The following TNFRSF21 variants were observed in gnomAD, a reference collection of about 807,000 sequenced individuals.
TNFRSF21 encodes the protein TNF receptor superfamily member 21.
A neutral mutation model predicts 45.6 loss-of-function variants in TNFRSF21; 19 were observed. The observed-to-expected ratio is 0.42, with a 90% confidence interval of 0.29 to 0.61. The LOEUF is 0.61. Ranked by LOEUF, TNFRSF21 falls within the 20% of genes least tolerant of loss-of-function variation. The pLI is 0.23. For missense variants in TNFRSF21, 737 were observed against 851.5 expected, an observed-to-expected ratio of 0.87 and a Z score of 1.67; for synonymous variants, 314 against 335.5, an observed-to-expected ratio of 0.94 and a Z score of 0.70.
intron 3 of TNFRSF21, among the ~76,000 whole-genome samples, chr6:47,269,250 C>G (rs573889673): frequency 6.6e-6 from 1 of 152,180 alleles, no homozygotes; most frequent in East Asian, 1.9e-4. Context: ...AACACACACA[C>G]ACACACATAC....
At chr6:47,243,756 C>G (rs1240349162) in intron 4 of TNFRSF21, among the ~76,000 whole-genome samples, 1 of 152,064 alleles carries the variant, frequency 6.6e-6, no homozygotes, top group Non-Finnish European at 1.5e-5. Flanking sequence ...TTCGTTTAAC[C>G]CTTCTTGAGG....
intron 3 of TNFRSF21, among the ~76,000 whole-genome samples, chr6:47,254,303 C>T (rs148808780): frequency 5.5e-4 from 84 of 152,146 alleles, no homozygotes; most frequent in African/African-American, 1.6e-3. Flanking sequence ...CAGGATGGTA[C>T]GGGAATGTGA....
At chr6:47,302,652 T>A (rs1582364377) in intron 1 of TNFRSF21, among the ~76,000 whole-genome samples, 2 of 152,324 alleles carry the variant, frequency 1.3e-5, no homozygotes, top group Admixed American at 1.3e-4. Context: ...CAGTTTTAGC[T>A]AAACTTCCAA....
chr6:47,240,337 A>G (rs915456691), intron 4 of TNFRSF21, among the ~76,000 whole-genome samples: 2 of 152,222 alleles, frequency 1.3e-5, no homozygotes, highest in Non-Finnish European at 2.9e-5. Flanking sequence ...ATCTAACTGA[A>G]ACTTACTGCT....
At chr6:47,293,663 G>T (rs1353301385) in intron 1 of TNFRSF21, among the ~76,000 whole-genome samples, 1 of 152,206 alleles carries the variant, frequency 6.6e-6, no homozygotes, top group Non-Finnish European at 1.5e-5. Flanking sequence ...CGAGTACTGA[G>T]ATATTGGCTT....
At chr6:47,289,721 C>T (rs886534215) in intron 1 of TNFRSF21, among the ~76,000 whole-genome samples, 3 of 152,156 alleles carry the variant, frequency 2.0e-5, no homozygotes, top group Admixed American at 6.5e-5. Context: ...CAGCCGGGCA[C>T]GGTGGCTCAT....
intron 3 of TNFRSF21, among the ~76,000 whole-genome samples, chr6:47,260,136 A>C (rs1765051261): frequency 6.6e-6 from 1 of 152,178 alleles, no homozygotes; most frequent in Non-Finnish European, 1.5e-5. Context: ...AGATGGGAAG[A>C]GTTCTGTACA....
intron 1 of TNFRSF21, among the ~76,000 whole-genome samples, chr6:47,301,157 A>T (rs1480621574): frequency 1.3e-5 from 2 of 152,204 alleles, no homozygotes; most frequent in African/African-American, 4.8e-5. Flanking sequence ...CTGAGATGTA[A>T]TGCTAGCTCC....
intron 4 of TNFRSF21, among the ~76,000 whole-genome samples, chr6:47,253,035 AT>A (rs137905625): frequency 6.6e-6 from 1 of 151,068 alleles, no homozygotes; most frequent in East Asian, 1.9e-4. Context: ...GAGCATCAGT[AT>A]TTTTTTTTAA....
intron 3 of TNFRSF21, among the ~76,000 whole-genome samples, chr6:47,261,667 T>C (rs761432126): frequency 2.0e-5 from 3 of 152,216 alleles, no homozygotes; most frequent in Non-Finnish European, 4.4e-5. Context: ...GCCAGTGCCC[T>C]CTTCCCATTT....
rs1254883918 is a variant in TNFRSF21, at chr6:47,271,711, C to T, written c.1243+12227G>A. Among the ~76,000 whole-genome samples, 3 of 151,940 alleles carry T rather than the reference C, an allele frequency of 2.0e-5. No individual in the cohort carries two copies. The East Asian group carries it at 5.8e-4, about 29-fold the overall frequency. ...GGCTAAATGCCCCAATTAAAAGACA[C>T]AGACTGGCAAATTGGATAAAGAGTC... is the stretch of plus-strand genomic sequence containing the variant. On this transcript the variant is annotated intron_variant, in intron 3 of 5. Transcript: ENST00000296861.
At chr6:47,304,264 C>T (rs2113871611) in intron 1 of TNFRSF21, among the ~76,000 whole-genome samples, 1 of 149,738 alleles carries the variant, frequency 6.7e-6, no homozygotes, top group South Asian at 2.1e-4. Flanking sequence ...TGATAATGCA[C>T]CGGATCATTT....
intron 4 of TNFRSF21, among the ~76,000 whole-genome samples, chr6:47,245,074 C>T (rs991568892): frequency 5.3e-5 from 8 of 152,156 alleles, no homozygotes; most frequent in African/African-American, 1.9e-4. Flanking sequence ...TCCCAATGCA[C>T]TTTTTGAGAA....
chr6:47,309,409 C>A lies in TNFRSF21; in HGVS notation c.96+7G>T. On this transcript the variant is annotated splice_region_variant and intron_variant, in intron 1 of 5. Transcript: ENST00000296861. ...CGCCGCCACCCCCGGTCCACGCAAG[C>A]GCTCACCAGGAGAAGGGAGCCCGCG... 1 of 1,539,022 alleles carries A rather than the reference C, an allele frequency of 6.5e-7. No individual in the cohort carries two copies. The highest frequency in any genetic ancestry group is 8.7e-7 in the Non-Finnish European group (1 of 1,149,720).
At chr6:47,255,249 A>G (rs945827166) in intron 3 of TNFRSF21, among the ~76,000 whole-genome samples, 1 of 152,150 alleles carries the variant, frequency 6.6e-6, no homozygotes, top group Non-Finnish European at 1.5e-5. Context: ...AAAACTCAGG[A>G]TAAGCACCTG....
At chr6:47,278,318 A>G (rs1318324694) in intron 3 of TNFRSF21, among the ~76,000 whole-genome samples, 1 of 152,206 alleles carries the variant, frequency 6.6e-6, no homozygotes, top group Non-Finnish European at 1.5e-5. Context: ...CTTTAAAAGC[A>G]TATGTAGATT....
At chr6:47,288,077 T>C (rs1762673710) in intron 1 of TNFRSF21, among the ~76,000 whole-genome samples, 1 of 152,254 alleles carries the variant, frequency 6.6e-6, no homozygotes, top group African/African-American at 2.4e-5. Context: ...GAAATGTGTA[T>C]ATATGTGCAC....
chr6:47,236,743 C>T (rs1265266318), intron 4 of TNFRSF21, among the ~76,000 whole-genome samples: 1 of 152,200 alleles, frequency 6.6e-6, no homozygotes, highest in Non-Finnish European at 1.5e-5. Flanking sequence ...GCCCCTCCTC[C>T]TTGAAAATGC....
chr6:47,232,899 G>A lies in TNFRSF21; in HGVS notation c.1834C>T (p.Leu612=). Residue 612 remains leucine (L), a synonymous_variant, in exon 6 of 6, where the codon CTG becomes TTG. Coordinates refer to ENST00000296861, the MANE Select transcript of TNFRSF21 (RefSeq NM_014452.5). ...TGGGGAATCTCTTCAATCACCCGCA[G>A]CTCCTCAGGATTTAGAAAGTGGAGC... ...DMLHFLNPEE[L]RVIEEIPQAE... 1 of 1,614,116 alleles carries A rather than the reference G, an allele frequency of 6.2e-7. No individual in the cohort carries two copies. Among genetic ancestry groups the A allele is most frequent in the Non-Finnish European group, 8.5e-7 (1 of 1,180,030 alleles).
Sources: gnomAD v4.1 joint callset for allele counts (sites outside exome capture counted in the v4.1 genomes callset) on GRCh38, gnomAD v4.1.1 for gene constraint, MANE v1.5 for transcripts, NCBI Gene and HGNC (gene_info 2026-07-23, HGNC 2026-07-21) for gene names.